LRRC1: variants seen among roughly 807,000 people sequenced by gnomAD.
LRRC1 encodes leucine-rich repeat-containing protein 1.
LRRC1 carries 28 observed loss-of-function variants against 69.9 expected under a neutral mutation model. That is an observed-to-expected ratio of 0.40 (90% confidence interval 0.30 to 0.55). The LOEUF (loss-of-function observed/expected upper bound fraction) is 0.55, where lower values mean the gene tolerates loss of function less well. LRRC1 is among the 20% of genes least tolerant of loss of function. The pLI, the probability that LRRC1 is intolerant of heterozygous loss-of-function variation, is 0.47. For missense variants in LRRC1, 498 were observed against 609.0 expected (o/e 0.82, Z 1.92); for synonymous variants, 236 against 240.2 (o/e 0.98, Z 0.16).
At chr6:53,859,415 G>A (rs1248210140) in intron 2 of LRRC1, among the ~76,000 whole-genome samples, 2 of 152,144 alleles carry the variant, frequency 1.3e-5, no homozygotes, top group Admixed American at 6.5e-5. Flanking sequence ...AGAAATGCAT[G>A]CAACTTTAAG....
chr6:53,877,644 G>A (rs547266042), intron 2 of LRRC1, among the ~76,000 whole-genome samples: 122 of 152,216 alleles, frequency 8.0e-4, no homozygotes, highest in African/African-American at 2.6e-3. Context: ...TAGGGTAGGG[G>A]CAAAATGCTG....
At chr6:53,913,543 A>G (rs1768476381) in intron 10 of LRRC1, among the ~76,000 whole-genome samples, 1 of 152,224 alleles carries the variant, frequency 6.6e-6, no homozygotes, top group Admixed American at 6.5e-5. Context: ...CATTTAACAG[A>G]TGCAGTTGCG....
At chr6:53,866,268 G>A (rs752573309) in intron 2 of LRRC1, among the ~76,000 whole-genome samples, 9 of 152,258 alleles carry the variant, frequency 5.9e-5, no homozygotes, top group Non-Finnish European at 1.2e-4. Flanking sequence ...CCTCTCAGTA[G>A]ACTTGTGAGG....
chr6:53,920,856 G>GTTCTCTGC, intron 13 of LRRC1, 95 bp downstream of exon 13: 1 of 1,400,700 alleles, frequency 7.1e-7, no homozygotes, highest in Non-Finnish European at 9.9e-7. Flanking sequence ...CAATTAGTAT[G>GTTCTCTGC]TTCTCTGCTT....
Position 53,819,864 on chromosome 6 carries a change from A to G in LRRC1, c.160-22246A>G, listed in dbSNP as rs117045210. Among the ~76,000 whole-genome samples, 304 of 152,330 alleles carry G rather than the reference A, an allele frequency of 2.0e-3. 4 individuals are homozygous for G. The East Asian group carries it at 0.041, about 21-fold the overall frequency. Reference sequence around the variant, plus strand: ...CCCTCATCCTGGGCTTAATACTTCTATGAATGCAGTCCTAGAGCATGTGAA... The same window carrying G: ...CCCTCATCCTGGGCTTAATACTTCTGTGAATGCAGTCCTAGAGCATGTGAA... On this transcript the variant is annotated intron_variant, in intron 1 of 13. Coordinates refer to ENST00000370888, the MANE Select transcript of LRRC1 (RefSeq NM_018214.5).
At chr6:53,849,264 G>A (rs1159598169) in intron 2 of LRRC1, among the ~76,000 whole-genome samples, 2 of 152,068 alleles carry the variant, frequency 1.3e-5, no homozygotes, top group Non-Finnish European at 2.9e-5. Flanking sequence ...TACATGCTAC[G>A]CTCTGTGTTA....
intron 2 of LRRC1, among the ~76,000 whole-genome samples, chr6:53,867,862 G>T (rs1225058344): frequency 6.6e-6 from 1 of 151,026 alleles, no homozygotes; most frequent in Non-Finnish European, 1.5e-5. Context: ...GCTGAGGTGG[G>T]AGGATTATTG....
intron 2 of LRRC1, among the ~76,000 whole-genome samples, chr6:53,852,796 A>G (rs371767619): frequency 6.6e-6 from 1 of 152,236 alleles, no homozygotes; most frequent in East Asian, 1.9e-4. Flanking sequence ...TTGCAAAAAA[A>G]CCCATAAAAC....
intron 1 of LRRC1, among the ~76,000 whole-genome samples, chr6:53,822,255 C>G (rs1218216269): frequency 6.6e-6 from 1 of 151,974 alleles, no homozygotes; most frequent in Non-Finnish European, 1.5e-5. Context: ...CAGAGAAAGA[C>G]CAAGGAACAT....
chr6:53,797,807 T>A (rs1374566755), intron 1 of LRRC1, among the ~76,000 whole-genome samples: 1 of 152,210 alleles, frequency 6.6e-6, no homozygotes, highest in East Asian at 1.9e-4. Flanking sequence ...CAAATTCAGA[T>A]TCAGAATTGA....
At chr6:53,858,088 A>G (rs1766370821) in intron 2 of LRRC1, among the ~76,000 whole-genome samples, 1 of 152,164 alleles carries the variant, frequency 6.6e-6, no homozygotes, top group Admixed American at 6.5e-5. Context: ...GTCACCAATT[A>G]TCTCCTTCTG....
At chr6:53,795,446 C>T (rs745888196) in intron 1 of LRRC1, 31 bp downstream of exon 1, 2 of 1,590,576 alleles carry the variant, frequency 1.3e-6, no homozygotes, top group Admixed American at 1.7e-5. Flanking sequence ...GAGCGCTCTG[C>T]CCGCTCGTCT....
rs757892997 is a variant in LRRC1 at position 53,922,818 on chromosome 6, C to T, written c.*25C>T. 4 of 1,605,688 alleles carry T rather than the reference C, an allele frequency of 2.5e-6. No individual in the cohort carries two copies. The South Asian group carries it at 4.4e-5, about 18-fold the overall frequency. On this transcript the variant is annotated 3_prime_UTR_variant, in exon 14 of 14. Coordinates refer to ENST00000370888, the MANE Select transcript of LRRC1 (RefSeq NM_018214.5). ...GAGTTTCACCTCCAAGTTTTACCTCCTGTGTCTTCCTCTGCTGTCGAGACG... is the reference window on the plus strand; with the variant it reads ...GAGTTTCACCTCCAAGTTTTACCTCTTGTGTCTTCCTCTGCTGTCGAGACG...
At chr6:53,821,188 A>T (rs559464711) in intron 1 of LRRC1, among the ~76,000 whole-genome samples, 2 of 152,274 alleles carry the variant, frequency 1.3e-5, no homozygotes, top group South Asian at 4.1e-4. Flanking sequence ...GCTGTACATC[A>T]TTTGAATGCT....
At chr6:53,887,490 T>C (rs1294036207) in intron 4 of LRRC1, among the ~76,000 whole-genome samples, 2 of 149,738 alleles carry the variant, frequency 1.3e-5, no homozygotes, top group Non-Finnish European at 3.0e-5. Context: ...GGGTAGGGAC[T>C]CTTTGAGGTG....
At position 53,842,128 on chromosome 6, in the gene LRRC1, A is replaced by G. The variant is rs767047816; in HGVS notation, c.178A>G (p.Lys60Glu). 1.2e-6 allele frequency: 2 copies of G among 1,612,784 alleles called. No homozygotes were observed. The highest frequency in any genetic ancestry group is 2.2e-5 in the South Asian group (2 of 90,802). Residue 60 changes from lysine (K) to glutamate (E), a missense_variant, in exon 2 of 14, where the codon AAA becomes GAA. Physicochemically the swap from Lys to Glu is moderately conservative, Grantham distance 56. Around this residue, in one of 3 missense-constraint regions of LRRC1, gnomAD observed 266 missense variants for 383.9 expected, o/e 0.69. Transcript: ENST00000370888. ...CTTTCAGCAATTTTTCCAGCTAGTC[A>G]AATTACGAAAGCTTGGACTTAGTGA... The part of the protein sequence containing the change: ...ELPEQFFQLV[K>E]LRKLGLSDNE...
chr6:53,859,863 G>A (rs150353080), intron 2 of LRRC1, among the ~76,000 whole-genome samples: 97 of 152,290 alleles, frequency 6.4e-4, no homozygotes, highest in Middle Eastern at 3.4e-3. Flanking sequence ...CTTAGAGCGA[G>A]GGAACACTGT....
intron 10 of LRRC1, among the ~76,000 whole-genome samples, chr6:53,911,547 G>C (rs1047619478): frequency 2.7e-4 from 41 of 152,092 alleles, no homozygotes; most frequent in Non-Finnish European, 5.7e-4. Context: ...TATCTGCTTT[G>C]CCCCCCTTGG....
intron 4 of LRRC1, among the ~76,000 whole-genome samples, chr6:53,887,152 C>T (rs1767513452): frequency 6.6e-6 from 1 of 151,970 alleles, no homozygotes; most frequent in South Asian, 2.1e-4. Flanking sequence ...CGGCTGTACT[C>T]AATTTCTAGA....
Sources: allele counts gnomAD v4.1 joint callset (sites outside exome capture counted in the v4.1 genomes callset), GRCh38; gene constraint gnomAD v4.1.1; regional missense constraint gnomAD v4.1.1; transcripts MANE v1.5; gene names NCBI Gene and HGNC (gene_info 2026-07-23, HGNC 2026-07-21).